ADGRV1: variants seen among roughly 807,000 people sequenced by gnomAD.
ADGRV1 encodes the protein G-protein coupled receptor 98.
A neutral mutation model predicts 596.2 loss-of-function variants in ADGRV1; 359 were observed. The ratio of observed to expected loss-of-function variants is 0.60; its 90% CI spans 0.55 to 0.66. The LOEUF is 0.66. ADGRV1 is among the 30% of genes least tolerant of loss of function. The pLI, the probability that ADGRV1 is intolerant of heterozygous loss-of-function variation, is 0.00. For missense variants in ADGRV1, 7,274 were observed against 7,575.6 expected, an observed-to-expected ratio of 0.96 and a Z score of 1.48; for synonymous variants, 2,681 against 2,679.2, an observed-to-expected ratio of 1.00 and a Z score of -0.02.
chr5:90,853,520 C>T lies in ADGRV1; in HGVS notation c.17441C>T (p.Thr5814Ile), dbSNP rs766106265. The T allele has an allele frequency of 1.9e-6, 3 of 1,609,746 alleles. No individual in the cohort carries two copies. The highest frequency in any genetic ancestry group is 3.4e-5 in the Admixed American group (2 of 59,648). ...TTTATAAGTGGAAACAATCTTCCTA[C>T]CCTAAAAAATAAGGTAATCTTTCAT... ...QWFISGNNLP[T>I]LKNKVLSLSV... Residue 5814 changes from threonine (T) to isoleucine (I), a missense_variant, in exon 80 of 90, where the codon ACC becomes ATC. By Grantham distance (89) the Thr-to-Ile change is moderately conservative. Coordinates refer to ENST00000405460, the MANE Select transcript of ADGRV1 (RefSeq NM_032119.4).
intron 85 of ADGRV1, among the ~76,000 whole-genome samples, chr5:91,061,509 A>G (rs377363037): frequency 2.6e-5 from 4 of 152,214 alleles, no homozygotes; most frequent in East Asian, 1.9e-4. Context: ...CCAAGAGCTA[A>G]TTATTTACAA....
intron 21 of ADGRV1, among the ~76,000 whole-genome samples, chr5:90,659,145 T>A (rs912290891): frequency 1.3e-5 from 2 of 152,194 alleles, no homozygotes; most frequent in South Asian, 4.1e-4. Flanking sequence ...TCTTAAGAGA[T>A]CTTCAAATAG....
intron 83 of ADGRV1, among the ~76,000 whole-genome samples, chr5:90,958,453 G>A (rs57218688): frequency 0.16 from 24,879 of 152,020 alleles, 2,341 homozygotes; most frequent in Non-Finnish European, 0.21. Flanking sequence ...CCTAATAAAG[G>A]TATCTATGAA....
chr5:90,735,458 T>C (rs1039856591), intron 50 of ADGRV1, among the ~76,000 whole-genome samples: 14 of 152,216 alleles, frequency 9.2e-5, no homozygotes, highest in Non-Finnish European at 1.9e-4. Context: ...CATCCAGCCT[T>C]GTTCTTTTTG....
chr5:91,025,840 T>C (rs1783979745), intron 85 of ADGRV1, among the ~76,000 whole-genome samples: 1 of 152,226 alleles, frequency 6.6e-6, no homozygotes, highest in Non-Finnish European at 1.5e-5. Flanking sequence ...ATGAATATAC[T>C]GTTAAGAATA....
At chr5:91,146,401 G>A (rs1398126624) in intron 87 of ADGRV1, among the ~76,000 whole-genome samples, 2 of 152,310 alleles carry the variant, frequency 1.3e-5, no homozygotes, top group South Asian at 2.1e-4. Context: ...TGTCTGTGAC[G>A]AAAGCCCAGC....
intron 84 of ADGRV1, among the ~76,000 whole-genome samples, chr5:90,971,105 G>A (rs1260350754): frequency 6.6e-6 from 1 of 152,190 alleles, no homozygotes; most frequent in Non-Finnish European, 1.5e-5. Flanking sequence ...AAGGGTATCA[G>A]TGATGGAAGA....
intron 83 of ADGRV1, among the ~76,000 whole-genome samples, chr5:90,914,950 C>T (rs1418066330): frequency 1.3e-5 from 2 of 152,112 alleles, no homozygotes; most frequent in East Asian, 3.8e-4. Context: ...ACATGCTCCC[C>T]TAAAAACTGG....
At chr5:90,717,261 C>A (rs1264660656) in intron 43 of ADGRV1, 2 of 152,112 alleles carry the variant, frequency 1.3e-5, no homozygotes, top group Non-Finnish European at 2.9e-5. Flanking sequence ...TAACAATTTT[C>A]TGTTCCTGCT....
chr5:90,845,613 C>G (rs570145144), intron 78 of ADGRV1, among the ~76,000 whole-genome samples: 1 of 150,538 alleles, frequency 6.6e-6, no homozygotes, highest in Non-Finnish European at 1.5e-5. Flanking sequence ...TTTTTTTTTA[C>G]TCTTGAAATA....
rs909219384 is a variant in ADGRV1, at chr5:91,101,645, G to GAACA, written c.18311-573_18311-570dup. Reference sequence around the variant, plus strand: ...AAAACGTCTGAAACAAACTGCATTAGAACATGTGTAGAATAAGTTTAGTTG... The same window carrying GAACA: ...AAAACGTCTGAAACAAACTGCATTAGAACAAACATGTGTAGAATAAGTTTAGTTG... On this transcript the variant is annotated intron_variant, in intron 86 of 89. Transcript: ENST00000405460. Among the ~76,000 whole-genome samples, 110 of 152,290 alleles carry GAACA rather than the reference G, an allele frequency of 7.2e-4. 1 individual carries two copies. Among genetic ancestry groups the GAACA allele is most frequent in the African/African-American group, 2.6e-3 (106 of 41,564 alleles).
At chr5:90,804,219 G>A (rs552708486) in intron 71 of ADGRV1, among the ~76,000 whole-genome samples, 13 of 152,226 alleles carry the variant, frequency 8.5e-5, no homozygotes, top group African/African-American at 2.9e-4. Context: ...CCTGGCCAAC[G>A]TGATAAAACC....
chr5:91,007,871 A>G lies in ADGRV1; in HGVS notation c.18152+22349A>G, dbSNP rs146019006. 3.3e-5 allele frequency among the ~76,000 whole-genome samples: 5 copies of G among 152,278 alleles called. No homozygotes were observed. In the East Asian group the frequency reaches 5.8e-4, roughly 18 times the overall value. On this transcript the variant is annotated intron_variant, in intron 85 of 89. Transcript: ENST00000405460. ...AACACTGCTGTGTACATATTCAATT[A>G]TACTACTAATAGTATTATTTCCTAT...
chr5:90,575,158 GT>G (rs1294231307), intron 1 of ADGRV1, among the ~76,000 whole-genome samples: 4 of 149,876 alleles, frequency 2.7e-5, no homozygotes, highest in African/African-American at 2.5e-5. Flanking sequence ...TTTTTTCCTA[GT>G]TTTTTTTAGG....
At position 90,683,776 on chromosome 5, in the gene ADGRV1, T is replaced by C; in HGVS notation, c.5855T>C (p.Leu1952Pro). 2 of 1,613,874 alleles carry C rather than the reference T, an allele frequency of 1.2e-6. No homozygotes were observed. The highest frequency in any genetic ancestry group is 2.2e-5 in the South Asian group (2 of 91,078). ...GATAAGGCATTCTCTGTGTCAGTCC[T>C]CAGTGTTTCCAGTGGTTCTTTGGGA... Reference protein sequence around the residue: ...ELDKAFSVSVLSVSSGSLGAH... With the variant: ...ELDKAFSVSVPSVSSGSLGAH... Residue 1952 changes from leucine to proline, a missense_variant, in exon 28 of 90, where the codon CTC (leucine) becomes CCC (proline). Around this residue, in one of 5 missense-constraint regions of ADGRV1, gnomAD observed 3,643 missense variants for 3,809.2 expected, o/e 0.96. Coordinates refer to ENST00000405460, the MANE Select transcript of ADGRV1 (RefSeq NM_032119.4).
chr5:91,159,886 C>T (rs1479860907), intron 89 of ADGRV1, among the ~76,000 whole-genome samples: 2 of 152,168 alleles, frequency 1.3e-5, no homozygotes, highest in East Asian at 1.9e-4. Flanking sequence ...CATTTACATG[C>T]TTAACAAGGT....
intron 31 of ADGRV1, among the ~76,000 whole-genome samples, chr5:90,691,841 C>T (rs899546006): frequency 3.3e-5 from 5 of 152,012 alleles, no homozygotes; most frequent in Admixed American, 1.3e-4. Flanking sequence ...AAATAGCATG[C>T]GAGATGCATC....
At chr5:90,728,995 G>A (rs1002337017) in intron 49 of ADGRV1, 62 bp downstream of exon 49, 5 of 1,133,212 alleles carry the variant, frequency 4.4e-6, no homozygotes, top group African/African-American at 1.6e-5. Flanking sequence ...CATTCATATG[G>A]TATATTTTAT....
At chr5:90,814,394 A>C (rs1024933648) in intron 74 of ADGRV1, among the ~76,000 whole-genome samples, 9 of 152,180 alleles carry the variant, frequency 5.9e-5, no homozygotes, top group African/African-American at 2.2e-4. Context: ...GTCTCCTTAG[A>C]ATGCCAGGAA....
Sources: allele counts gnomAD v4.1 joint callset (sites outside exome capture counted in the v4.1 genomes callset), GRCh38; gene constraint gnomAD v4.1.1; regional missense constraint gnomAD v4.1.1; transcripts MANE v1.5; gene names NCBI Gene and HGNC (gene_info 2026-07-23, HGNC 2026-07-21).